The following PRKG1 variants were observed in gnomAD, a reference collection of about 807,000 sequenced individuals.
PRKG1 encodes the protein protein kinase cGMP-dependent 1, also known as cGMP-dependent protein kinase 1.
In PRKG1, 35 loss-of-function variants were observed where a neutral mutation model predicts 88.1. That is an observed-to-expected ratio of 0.40 (90% CI 0.30 to 0.53). The LOEUF is 0.53. Among genes scored for constraint, PRKG1 ranks in the 20% least tolerant of loss-of-function variants. PRKG1 has a pLI of 0.59. For missense variants in PRKG1, 540 were observed against 839.8 expected (o/e 0.64, Z 4.41); for synonymous variants, 303 against 292.5 (o/e 1.04, Z -0.37).
chr10:51,611,012 A>G (rs1353983697), intron 3 of PRKG1, among the ~76,000 whole-genome samples: 1 of 152,058 alleles, frequency 6.6e-6, no homozygotes, highest in Non-Finnish European at 1.5e-5. Flanking sequence ...TACCTATGTA[A>G]CAAACCTGCA....
chr10:52,140,049 T>C (rs769284449), intron 8 of PRKG1, among the ~76,000 whole-genome samples: 3 of 152,222 alleles, frequency 2.0e-5, no homozygotes, highest in Non-Finnish European at 2.9e-5. Flanking sequence ...TATATCATTT[T>C]CTTATGTCAA....
chr10:51,763,908 T>G (rs2132532604), intron 3 of PRKG1, among the ~76,000 whole-genome samples: 1 of 152,244 alleles, frequency 6.6e-6, no homozygotes, highest in South Asian at 2.1e-4. Flanking sequence ...CTCCTTTTTC[T>G]TATAAAGCCA....
chr10:51,274,086 C>T (rs1840052513), intron 2 of PRKG1, among the ~76,000 whole-genome samples: 1 of 152,138 alleles, frequency 6.6e-6, no homozygotes, highest in Non-Finnish European at 1.5e-5. Flanking sequence ...AAATTTATGT[C>T]CTCCTCATAT....
chr10:51,586,304 T>G (rs1838171529), intron 3 of PRKG1, among the ~76,000 whole-genome samples: 1 of 152,092 alleles, frequency 6.6e-6, no homozygotes, highest in Non-Finnish European at 1.5e-5. Context: ...ACAATTAGAC[T>G]AAAAATGATG....
At chr10:51,794,754 A>G (rs1248117391) in intron 3 of PRKG1, among the ~76,000 whole-genome samples, 1 of 152,048 alleles carries the variant, frequency 6.6e-6, no homozygotes, top group Non-Finnish European at 1.5e-5. Context: ...GTATAATTTT[A>G]TCTGCCAATT....
intron 10 of PRKG1, 44 bp from the exon 11 acceptor site, chr10:52,271,306 C>T (rs370753004): frequency 6.3e-7 from 1 of 1,592,522 alleles, no homozygotes; most frequent in South Asian, 1.1e-5. Context: ...TGCACTCTTA[C>T]AAGTCTATGG....
chr10:51,110,285 C>G (rs1236382332), intron 1 of PRKG1, among the ~76,000 whole-genome samples: 1 of 151,954 alleles, frequency 6.6e-6, no homozygotes, highest in Non-Finnish European at 1.5e-5. Context: ...TAGCTAGAAA[C>G]TGGAAACAAT....
intron 5 of PRKG1, among the ~76,000 whole-genome samples, chr10:51,934,652 G>C (rs958602543): frequency 6.6e-6 from 1 of 152,150 alleles, no homozygotes; most frequent in African/African-American, 2.4e-5. Context: ...CAGAGGCAAA[G>C]GTTTATCCCT....
At chr10:51,755,524 C>T (rs1388618589) in intron 3 of PRKG1, among the ~76,000 whole-genome samples, 1 of 152,112 alleles carries the variant, frequency 6.6e-6, no homozygotes, top group Non-Finnish European at 1.5e-5. Context: ...CCAAGAATAG[C>T]CCAGCAAGCA....
chr10:51,764,494 C>T (rs1022491034), intron 3 of PRKG1, among the ~76,000 whole-genome samples: 29 of 152,086 alleles, frequency 1.9e-4, no homozygotes, highest in Admixed American at 1.8e-3. Context: ...AATGTTTTCT[C>T]TCTAAAGAAA....
At chr10:52,245,206 C>T (rs1045771173) in intron 9 of PRKG1, among the ~76,000 whole-genome samples, 1 of 151,788 alleles carries the variant, frequency 6.6e-6, no homozygotes, top group Non-Finnish European at 1.5e-5. Context: ...TCTCAATGTT[C>T]TTACTCCTTT....
intron 3 of PRKG1, among the ~76,000 whole-genome samples, chr10:51,544,202 CCTCCCCCA>C (rs1207808499): frequency 1.0e-3 from 47 of 45,400 alleles, no homozygotes; most frequent in African/African-American, 2.4e-3. Context: ...ATCCCTCCCC[CCTCCCCCA>C]CCACCCCAAA....
intron 1 of PRKG1, among the ~76,000 whole-genome samples, chr10:51,142,836 C>T (rs189497882): frequency 6.6e-6 from 1 of 152,158 alleles, no homozygotes; most frequent in East Asian, 1.9e-4. Flanking sequence ...CCAAGCATAA[C>T]ATTCTTCTAA....
At chr10:51,628,026 CTT>C (rs1589142959) in intron 3 of PRKG1, among the ~76,000 whole-genome samples, 2 of 129,914 alleles carry the variant, frequency 1.5e-5, no homozygotes, top group African/African-American at 5.7e-5. Flanking sequence ...TTCTTTCTTT[CTT>C]TCTTTCTTTC....
intron 3 of PRKG1, among the ~76,000 whole-genome samples, chr10:51,750,779 A>G (rs1048129874): frequency 6.6e-6 from 1 of 152,236 alleles, no homozygotes; most frequent in Admixed American, 6.5e-5. Flanking sequence ...ACATGTGCTT[A>G]AAAGCATTGG....
At chr10:51,869,352 A>G (rs1240125154) in intron 4 of PRKG1, among the ~76,000 whole-genome samples, 1 of 151,884 alleles carries the variant, frequency 6.6e-6, no homozygotes, top group African/African-American at 2.4e-5. Flanking sequence ...TTGGTTATCA[A>G]TTGTGGTCCA....
At chr10:52,251,525 T>TAC in intron 9 of PRKG1, 45 bp from the exon 10 acceptor site, 1 of 1,466,646 alleles carries the variant, frequency 6.8e-7, no homozygotes, top group South Asian at 1.1e-5. Flanking sequence ...GTACTCGTGT[T>TAC]TGCACCTCTA....
intron 3 of PRKG1, among the ~76,000 whole-genome samples, chr10:51,585,063 C>T (rs1243867196): frequency 6.6e-6 from 1 of 152,020 alleles, no homozygotes. Flanking sequence ...AATCACCATT[C>T]AATAGGACTC....
chr10:52,034,550 T>C (rs1266818117), intron 5 of PRKG1, among the ~76,000 whole-genome samples: 3 of 151,866 alleles, frequency 2.0e-5, no homozygotes, highest in Non-Finnish European at 4.4e-5. Flanking sequence ...CGACTCAGGA[T>C]ATCTGATTAG....
Sources: gnomAD v4.1 joint callset for allele counts (sites outside exome capture counted in the v4.1 genomes callset) on GRCh38, gnomAD v4.1.1 for gene constraint, MANE v1.5 for transcripts, NCBI Gene and HGNC (gene_info 2026-07-23, HGNC 2026-07-21) for gene names.